RAPGEF4: variants seen among roughly 807,000 people sequenced by gnomAD.
RAPGEF4 encodes the protein Rap guanine nucleotide exchange factor 4.
A neutral mutation model predicts 147.9 loss-of-function variants in RAPGEF4; 66 were observed. The ratio of observed to expected loss-of-function variants is 0.45; its 90% CI spans 0.37 to 0.55. RAPGEF4 has a LOEUF of 0.55. Ranked by LOEUF, RAPGEF4 falls within the 20% of genes least tolerant of loss-of-function variation. The probability of loss-of-function intolerance (pLI) is 0.00; values close to 1 mark genes in which losing one functional copy is unlikely to be tolerated. For missense variants in RAPGEF4, 1,071 were observed against 1,257.3 expected, an observed-to-expected ratio of 0.85 and a Z score of 2.24; for synonymous variants, 419 against 442.7, an observed-to-expected ratio of 0.95 and a Z score of 0.67.
chr2:172,918,369 T>TA, intron 5 of RAPGEF4, among the ~76,000 whole-genome samples: 2 of 33,470 alleles, frequency 6.0e-5, no homozygotes, highest in Admixed American at 4.4e-4. Flanking sequence ...TAGATGCTCT[T>TA]ACCACACACA....
intron 6 of RAPGEF4, among the ~76,000 whole-genome samples, chr2:172,932,124 A>C (rs1270114144): frequency 6.6e-6 from 1 of 152,128 alleles, no homozygotes; most frequent in African/African-American, 2.4e-5. Context: ...ATGCATGTCT[A>C]ACCTTCAAGT....
chr2:172,934,607 T>A (rs988361208), intron 6 of RAPGEF4, among the ~76,000 whole-genome samples: 4 of 152,232 alleles, frequency 2.6e-5, no homozygotes, highest in Admixed American at 2.6e-4. Flanking sequence ...AAACAGATAA[T>A]TATTTCAGAA....
chr2:172,825,252 CA>C (rs1469754942), intron 4 of RAPGEF4, among the ~76,000 whole-genome samples: 1 of 152,252 alleles, frequency 6.6e-6, no homozygotes, highest in Non-Finnish European at 1.5e-5. Flanking sequence ...TCATCTAACA[CA>C]AAGCCTATTT....
intron 10 of RAPGEF4, among the ~76,000 whole-genome samples, chr2:172,971,987 C>A (rs755890149): frequency 5.4e-5 from 8 of 147,694 alleles, no homozygotes; most frequent in Non-Finnish European, 1.0e-4. Flanking sequence ...AATATGGAAA[C>A]GTGAGATATA....
intron 6 of RAPGEF4, chr2:172,928,285 C>T (rs551124111): frequency 2.4e-5 from 11 of 449,554 alleles, no homozygotes; most frequent in South Asian, 1.4e-4. Flanking sequence ...CTTTTTATTC[C>T]ATCTGTTCCT....
intron 4 of RAPGEF4, among the ~76,000 whole-genome samples, chr2:172,820,640 A>T (rs971906576): frequency 3.3e-5 from 5 of 152,326 alleles, no homozygotes; most frequent in African/African-American, 1.2e-4. Flanking sequence ...TTGTTAACTG[A>T]CTGAAAATGT....
At chr2:173,051,549 T>A in intron 30 of RAPGEF4, 91 bp from the exon 31 acceptor site, 1 of 1,389,258 alleles carries the variant, frequency 7.2e-7, no homozygotes, top group South Asian at 1.5e-5. Flanking sequence ...CAGGAACCTA[T>A]GATAAATGTA....
chr2:172,813,170 A>G lies in RAPGEF4; in HGVS notation c.298-1109A>G, dbSNP rs1188213693. Among the ~76,000 whole-genome samples, 5 of 152,338 alleles carry G rather than the reference A, an allele frequency of 3.3e-5. No individual in the cohort carries two copies. The East Asian group carries it at 5.8e-4, about 18-fold the overall frequency. On this transcript the variant is annotated intron_variant, in intron 3 of 30. Coordinates refer to ENST00000397081, the MANE Select transcript of RAPGEF4 (RefSeq NM_007023.4). Reference sequence around the variant, plus strand: ...TTAGTAATGTGATTACAGAGTCACTAACTTGATCTTAATAACATTTGCCTA... The same window carrying G: ...TTAGTAATGTGATTACAGAGTCACTGACTTGATCTTAATAACATTTGCCTA...
intron 6 of RAPGEF4, among the ~76,000 whole-genome samples, chr2:172,948,704 C>G (rs142994921): frequency 0.021 from 3,126 of 152,162 alleles, 110 homozygotes; most frequent in African/African-American, 0.071. Flanking sequence ...AATGCAGGAA[C>G]AGAAAACCAA....
At position 172,970,677 on chromosome 2, in the gene RAPGEF4, A is replaced by G. The variant is rs185997144; in HGVS notation, c.1004+3233A>G. Among the ~76,000 whole-genome samples, 3 of 152,350 alleles carry G rather than the reference A, an allele frequency of 2.0e-5. No homozygotes were observed. The East Asian group carries it at 5.8e-4, about 29-fold the overall frequency. The stretch of plus-strand genomic sequence containing the variant: ...ACTTGTTTTGACAGGCTACTTAGAA[A>G]AATTCTCTGTTTATTACATTAACTG... On this transcript the variant is annotated intron_variant, in intron 10 of 30. Coordinates refer to ENST00000397081, the MANE Select transcript of RAPGEF4 (RefSeq NM_007023.4).
intron 10 of RAPGEF4, among the ~76,000 whole-genome samples, chr2:172,980,803 A>C (rs1372633437): frequency 1.3e-5 from 2 of 152,102 alleles, no homozygotes; most frequent in African/African-American, 4.8e-5. Flanking sequence ...AGATTTGTAG[A>C]TCCAACAAGC....
At chr2:172,893,217 G>C (rs1296304790) in intron 4 of RAPGEF4, among the ~76,000 whole-genome samples, 1 of 152,220 alleles carries the variant, frequency 6.6e-6, no homozygotes, top group African/African-American at 2.4e-5. Context: ...AGGATAAGTG[G>C]ATGAGAGCCA....
chr2:172,831,876 C>T (rs1197259345), intron 4 of RAPGEF4, among the ~76,000 whole-genome samples: 5 of 152,208 alleles, frequency 3.3e-5, no homozygotes, highest in Non-Finnish European at 7.3e-5. Flanking sequence ...TGTGTGCACT[C>T]ATCAAGGCAA....
At position 173,014,511 on chromosome 2, in the gene RAPGEF4, A is replaced by G. The variant is rs372769775; in HGVS notation, c.1706A>G (p.Tyr569Cys). The part of the protein sequence containing the change: ...SQGTEQEKMD[Y>C]ALNNKRRVIR... ...GGTACAGAACAGGAGAAAATGGATT[A>G]TGCCCTCAACAATAAGAGGCGAGTC... Residue 569 changes from tyrosine to cysteine, a missense_variant, in exon 18 of 31, where the codon TAT becomes TGT. By Grantham distance (194) the Tyr-to-Cys change is radical. Transcript: ENST00000397081. 6 of 1,614,012 alleles carry G rather than the reference A, an allele frequency of 3.7e-6. No homozygotes were observed. The highest frequency in any genetic ancestry group is 5.1e-6 in the Non-Finnish European group (6 of 1,180,002).
chr2:172,900,582 G>A lies in RAPGEF4; in HGVS notation c.445-17220G>A, dbSNP rs150071007. Among the ~76,000 whole-genome samples, 327 of 152,276 alleles carry A rather than the reference G, an allele frequency of 2.1e-3. 2 individuals carry two copies. Among genetic ancestry groups the A allele is most frequent in the Admixed American group, 0.018 (270 of 15,292 alleles). On this transcript the variant is annotated intron_variant, in intron 4 of 30. Coordinates refer to ENST00000397081, the MANE Select transcript of RAPGEF4 (RefSeq NM_007023.4). Reference sequence around the variant, plus strand: ...AATTTTAAATATATCTAGCAAAGTTGCAGGAATAACACAAAGGACTTACCT... The same window carrying A: ...AATTTTAAATATATCTAGCAAAGTTACAGGAATAACACAAAGGACTTACCT...
chr2:172,878,181 G>A (rs907530890), intron 4 of RAPGEF4, among the ~76,000 whole-genome samples: 1 of 152,168 alleles, frequency 6.6e-6, no homozygotes. Flanking sequence ...TAGAGATGGG[G>A]GAAGTGATGC....
chr2:173,033,110 G>C (rs1234906666), intron 26 of RAPGEF4, among the ~76,000 whole-genome samples: 1 of 147,516 alleles, frequency 6.8e-6, no homozygotes, highest in Admixed American at 6.7e-5. Flanking sequence ...GGTGCAGTAA[G>C]TGGTGTTGAA....
chr2:172,996,569 C>T lies in RAPGEF4; in HGVS notation c.1579+15C>T, dbSNP rs764117915. 3 of 1,492,220 alleles carry T rather than the reference C, an allele frequency of 2.0e-6. No individual in the cohort carries two copies. The highest frequency in any genetic ancestry group is 2.7e-6 in the Non-Finnish European group (3 of 1,097,738). 92.4% of individuals were successfully genotyped at this position (1,492,220 alleles called of 1,614,324 possible). ...TGAAGCAACAGGTATACACATAGAA[C>T]CGTTTGCATGTCCATTAAATCCATG... On this transcript the variant is annotated intron_variant, in intron 16 of 30. Transcript: ENST00000397081.
At chr2:172,967,084 C>T in intron 9 of RAPGEF4, 177 bp from the exon 10 acceptor site, 1 of 612,814 alleles carries the variant, frequency 1.6e-6, no homozygotes, top group Non-Finnish European at 2.8e-6. Flanking sequence ...ATGACTGCAG[C>T]CCCGAGGTCA....
Sources: gnomAD v4.1 joint callset for allele counts (sites outside exome capture counted in the v4.1 genomes callset) on GRCh38, gnomAD v4.1.1 for gene constraint, MANE v1.5 for transcripts, NCBI Gene and HGNC (gene_info 2026-07-23, HGNC 2026-07-21) for gene names.